SERPINF2: variants seen among roughly 807,000 people sequenced by gnomAD.
The protein encoded by SERPINF2 is serpin family F member 2.
SERPINF2 carries 15 observed loss-of-function variants against 45.0 expected under a neutral mutation model. That is an observed-to-expected ratio of 0.33 (90% CI 0.22 to 0.51). The LOEUF is 0.51. SERPINF2 is among the 20% of genes least tolerant of loss of function. The pLI is 0.97. For missense variants in SERPINF2, 518 were observed against 637.4 expected, an observed-to-expected ratio of 0.81 and a Z score of 2.02; for synonymous variants, 283 against 277.9, an observed-to-expected ratio of 1.02 and a Z score of -0.18.
rs112549101 is a variant in SERPINF2, at chr17:1,747,516, C to T, written c.715+4C>T. 80 of 1,613,382 alleles carry T rather than the reference C, an allele frequency of 5.0e-5. No individual in the cohort carries two copies. The highest frequency in any genetic ancestry group is 3.6e-4 in the African/African-American group (27 of 75,040). On this transcript the variant is annotated splice_donor_region_variant and intron_variant, in intron 7 of 9. Transcript: ENST00000453066. Reference sequence around the variant, plus strand: ...CTCAACGCCATCCACTTCCAGGGTGCGCTCCTCCTCCTCTCAGATCCCCCA... The same window carrying T: ...CTCAACGCCATCCACTTCCAGGGTGTGCTCCTCCTCCTCTCAGATCCCCCA...
rs149997779 is a variant in SERPINF2, at chr17:1,754,352, A to G, written c.1294A>G (p.Ser432Gly). ...CACAGGCCTTCCCCTCTTCGTGGGC[A>G]GCGTGAGGAACCCCAACCCCAGTGC... The part of the protein sequence containing the change: ...DTTGLPLFVG[S>G]VRNPNPSAPR... Residue 432 changes from serine (S) to glycine (G), a missense_variant, in exon 10 of 10, where the codon AGC becomes GGC. Around this residue, in one of 2 missense-constraint regions of SERPINF2, gnomAD observed 435 missense variants for 577.3 expected, o/e 0.75. Coordinates refer to ENST00000453066, the MANE Select transcript of SERPINF2 (RefSeq NM_000934.4). 4 of 1,614,114 alleles carry G rather than the reference A, an allele frequency of 2.5e-6. No homozygotes were observed. The highest frequency in any genetic ancestry group is 3.4e-6 in the Non-Finnish European group (4 of 1,180,016).
At position 1,752,735 on chromosome 17, in the gene SERPINF2, G is replaced by T; in HGVS notation, c.1008G>T (p.Leu336=). Residue 336 remains leucine, a synonymous_variant, in exon 9 of 10, where the codon CTG becomes CTT. Coordinates refer to ENST00000453066, the MANE Select transcript of SERPINF2 (RefSeq NM_000934.4). ...LVWERPTKVR[L]PKLYLKHQMD... is the part of the protein sequence containing the mutation. ...GGGAGAGGCCCACCAAGGTCCGGCT[G>T]CCTAAGCTGTATCTGAAACACCAAA... 6.2e-7 allele frequency: 1 copy of T among 1,614,066 alleles called. No homozygotes were observed. Among genetic ancestry groups the T allele is most frequent in the Non-Finnish European group, 8.5e-7 (1 of 1,180,020 alleles).
rs1470188696 is a variant in SERPINF2 at position 1,745,383 on chromosome 17, G to C, written c.153G>C (p.Lys51Asn). ...AGGTGTCCCCACTTACCCTCCTCAA[G>C]TTGGGCAACCAGGTACAACCAGGTG... ...QEQVSPLTLL[K>N]LGNQEPGGQT... The change falls in exon 4 of 10, where the codon AAG (lysine) becomes AAC (asparagine). Residue 51 changes from lysine to asparagine, a missense_variant. By Grantham distance (94) the Lys-to-Asn change is moderately conservative. Transcript: ENST00000453066. This position sits in a 1 kb window ranked among gnomAD's most constrained non-coding sequence, Gnocchi z 6.2. 1 of 1,611,676 alleles carries C rather than the reference G, an allele frequency of 6.2e-7. No individual in the cohort carries two copies. Among genetic ancestry groups the C allele is most frequent in the Admixed American group, 1.7e-5 (1 of 59,796 alleles).
Position 1,752,804 on chromosome 17 carries a change from T to C in SERPINF2, c.1063+14T>C. On this transcript the variant is annotated intron_variant, in intron 9 of 9. Coordinates refer to ENST00000453066, the MANE Select transcript of SERPINF2 (RefSeq NM_000934.4). ...TCAGCCAGCTGGGTAAGGAGGAGGGTGCGGGCGAGCCCCCGAGGTCAGGCT... is the reference window on the plus strand; with the variant it reads ...TCAGCCAGCTGGGTAAGGAGGAGGGCGCGGGCGAGCCCCCGAGGTCAGGCT... 1 of 1,591,414 alleles carries C rather than the reference T, an allele frequency of 6.3e-7. No homozygotes were observed. The highest frequency in any genetic ancestry group is 8.6e-7 in the Non-Finnish European group (1 of 1,169,414).
Position 1,745,883 on chromosome 17 carries a change from C to T in SERPINF2, c.341C>T (p.Ala114Val). The stretch of plus-strand genomic sequence containing the variant: ...CTCATCCTGTCACCCCTGAGTGTGG[C>T]CCTGGCGCTGTCTCACCTGGCACTA... ...PNLILSPLSV[A>V]LALSHLALGA... Residue 114 changes from alanine to valine, a missense_variant, in exon 5 of 10, where the codon GCC (alanine) becomes GTC (valine). Transcript: ENST00000453066. This position sits in a 1 kb window ranked among gnomAD's most constrained non-coding sequence, Gnocchi z 6.2. 2 of 1,614,060 alleles carry T rather than the reference C, an allele frequency of 1.2e-6. No homozygotes were observed. Among genetic ancestry groups the T allele is most frequent in the South Asian group, 1.1e-5 (1 of 91,082 alleles).
Position 1,744,105 on chromosome 17 carries a change from G to A in SERPINF2, c.-4-887G>A, listed in dbSNP as rs1028209487. Among the ~76,000 whole-genome samples, 6 of 151,522 alleles carry A rather than the reference G, an allele frequency of 4.0e-5. No individual in the cohort carries two copies. In the South Asian group the frequency reaches 6.2e-4, roughly 16 times the overall value. On this transcript the variant is annotated intron_variant, in intron 1 of 9. Coordinates refer to ENST00000453066, the MANE Select transcript of SERPINF2 (RefSeq NM_000934.4). The stretch of plus-strand genomic sequence containing the variant: ...AGATGGGGTTTTACCATGTTGGCCA[G>A]GCTGGTCTTGAACTCCCGACCTCAG...
At chr17:1,747,597 C>T (rs1905964769) in intron 7 of SERPINF2, 85 bp downstream of exon 7, 3 of 1,437,676 alleles carry the variant, frequency 2.1e-6, no homozygotes, top group African/African-American at 1.4e-5. Flanking sequence ...ACAAGTCTCG[C>T]TCTGTCACCC....
chr17:1,744,280 G>C (rs930866197), intron 1 of SERPINF2, among the ~76,000 whole-genome samples: 1 of 151,802 alleles, frequency 6.6e-6, no homozygotes, highest in Non-Finnish European at 1.5e-5. Flanking sequence ...ATCACCTGAG[G>C]TCGGGAGTTT....
At chr17:1,747,599 C>T (rs1328010366) in intron 7 of SERPINF2, 87 bp downstream of exon 7, 56 of 1,435,838 alleles carry the variant, frequency 3.9e-5, no homozygotes, top group Non-Finnish European at 3.5e-5. Flanking sequence ...AAGTCTCGCT[C>T]TGTCACCCAG....
chr17:1,745,453 G>C lies in SERPINF2; in HGVS notation c.165+58G>C. On this transcript the variant is annotated intron_variant, in intron 4 of 9. Coordinates refer to ENST00000453066, the MANE Select transcript of SERPINF2 (RefSeq NM_000934.4). The surrounding 1 kb of genome is among the most constrained non-coding windows in gnomAD (Gnocchi z 6.2). ...GGGGCTAGAGGGAGGAGGGCCCATC[G>C]GCAGGGGTCGGGGGGTGGGGGCGCG... 6.5e-7 allele frequency: 1 copy of C among 1,532,468 alleles called. No individual in the cohort carries two copies. Among genetic ancestry groups the C allele is most frequent in the Admixed American group, 1.7e-5 (1 of 57,694 alleles). The allele number at this position is 1,532,468 out of a possible 1,614,324, so 94.9% of individuals were successfully genotyped here. A position where few individuals can be genotyped will look rare whatever the true frequency, so the allele number is the denominator to read the frequency against.
rs189957303 is a variant in SERPINF2 at position 1,751,702 on chromosome 17, C to T, written c.859-884C>T. On this transcript the variant is annotated intron_variant, in intron 8 of 9. Transcript: ENST00000453066. ...CCACGAGGCGGAGGTTGCGGTGAGC[C>T]GAGATTGCGCCACTGCACTCCAGCC... Among the ~76,000 whole-genome samples the T allele has an allele frequency of 3.6e-4, 50 of 138,170 alleles. 6 individuals are homozygous for T. Among genetic ancestry groups the T allele is most frequent in the Admixed American group, 3.2e-3 (44 of 13,926 alleles). The allele number at this position is 138,170 out of a possible 152,430, so 90.6% of individuals were successfully genotyped here.
In SERPINF2 at chr17:1,745,574, C is replaced by G. The variant is rs769606712; in HGVS notation, c.166-134C>G. On this transcript the variant is annotated intron_variant, in intron 4 of 9. Transcript: ENST00000453066. The surrounding 1 kb of genome is among the most constrained non-coding windows in gnomAD (Gnocchi z 6.2). Reference sequence around the variant, plus strand: ...CAGGCCCCAGAATGCCAGTGCCCTCCGTCTGACGCTCCCTCTTCCCTGGGG... The same window carrying G: ...CAGGCCCCAGAATGCCAGTGCCCTCGGTCTGACGCTCCCTCTTCCCTGGGG... 3.4e-6 allele frequency: 4 copies of G among 1,171,892 alleles called. No individual in the cohort carries two copies. The African/African-American group carries it at 6.0e-5, about 18-fold the overall frequency. 72.6% of individuals were successfully genotyped at this position (1,171,892 alleles called of 1,614,324 possible).
intron 1 of SERPINF2, chr17:1,743,213 C>T (rs1305312936): frequency 1.7e-6 from 1 of 605,248 alleles, no homozygotes; most frequent in African/African-American, 2.0e-5. Flanking sequence ...GACTTATCCT[C>T]CTGAGACCAA....
chr17:1,745,439 G>C lies in SERPINF2; in HGVS notation c.165+44G>C. 1 of 1,554,802 alleles carries C rather than the reference G, an allele frequency of 6.4e-7. No homozygotes were observed. Among genetic ancestry groups the C allele is most frequent in the Non-Finnish European group, 8.8e-7 (1 of 1,130,566 alleles). On this transcript the variant is annotated intron_variant, in intron 4 of 9. Coordinates refer to ENST00000453066, the MANE Select transcript of SERPINF2 (RefSeq NM_000934.4). The surrounding 1 kb of genome is among the most constrained non-coding windows in gnomAD (Gnocchi z 6.2). ...GGGGAAGAGTGGGCGGGGCTAGAGGGAGGAGGGCCCATCGGCAGGGGTCGG... is the reference window on the plus strand; with the variant it reads ...GGGGAAGAGTGGGCGGGGCTAGAGGCAGGAGGGCCCATCGGCAGGGGTCGG...
In SERPINF2 at chr17:1,747,487, T is replaced by C. The variant is rs772083726; in HGVS notation, c.690T>C (p.Leu230=). Residue 230 remains leucine (L), a synonymous_variant, in exon 7 of 10, where the codon CTT becomes CTC. Coordinates refer to ENST00000453066, the MANE Select transcript of SERPINF2 (RefSeq NM_000934.4). ...GGCTGCCGGAAGACACCGTGTTGCT[T>C]CTCCTCAACGCCATCCACTTCCAGG... The part of the protein sequence containing the change: ...LSGLPEDTVL[L]LLNAIHFQGF... The C allele has an allele frequency of 6.2e-7, 1 of 1,614,042 alleles. No individual in the cohort carries two copies. Among genetic ancestry groups the C allele is most frequent in the Non-Finnish European group, 8.5e-7 (1 of 1,180,022 alleles).
Position 1,747,024 on chromosome 17 carries a change from C to G in SERPINF2, c.373C>G (p.Gln125Glu). The G allele has an allele frequency of 2.5e-6, 4 of 1,605,854 alleles. No individual in the cohort carries two copies. The highest frequency in any genetic ancestry group is 3.4e-6 in the Non-Finnish European group (4 of 1,179,820). The change falls in exon 6 of 10, where the codon CAG (glutamine) becomes GAG (glutamate). Residue 125 changes from glutamine (Q) to glutamate (E), a missense_variant. Gln to Glu is a conservative substitution (Grantham distance 29). Coordinates refer to ENST00000453066, the MANE Select transcript of SERPINF2 (RefSeq NM_000934.4). ...GCCTGTGCGGTGCCCTCCAGGTGCT[C>G]AGAACCACACGTTGCAGAGGCTGCA... Reference protein sequence around the residue: ...LALSHLALGAQNHTLQRLQQV... With the variant: ...LALSHLALGAENHTLQRLQQV...
chr17:1,750,437 G>A (rs113362291), intron 8 of SERPINF2, among the ~76,000 whole-genome samples: 14 of 151,798 alleles, frequency 9.2e-5, no homozygotes, highest in Admixed American at 3.3e-4. Flanking sequence ...GTGAGCCACC[G>A]TGCCCGGCCA....
chr17:1,752,869 G>A, intron 9 of SERPINF2, 79 bp downstream of exon 9: 1 of 1,301,430 alleles, frequency 7.7e-7, no homozygotes, highest in Non-Finnish European at 1.1e-6. Flanking sequence ...GCTGGCAGTG[G>A]AGCTGAGTCA....
chr17:1,744,489 G>A lies in SERPINF2; in HGVS notation c.-4-503G>A, dbSNP rs776077941. 2.6e-4 allele frequency: 245 copies of A among 956,936 alleles called. 1 individual carries two copies. Among genetic ancestry groups the A allele is most frequent in the African/African-American group, 3.0e-4 (17 of 56,726 alleles). The allele number at this position is 956,936 out of a possible 1,614,324, so 59.3% of individuals were successfully genotyped here. A position where few individuals can be genotyped will look rare whatever the true frequency, so the allele number is the denominator to read the frequency against. On this transcript the variant is annotated intron_variant, in intron 1 of 9. Coordinates refer to ENST00000453066, the MANE Select transcript of SERPINF2 (RefSeq NM_000934.4). ...GCCTGGTCAACGAGAGCGAAACTCC[G>A]TCTCAAAAAATAAACAACAAAAAAT...
Sources: allele counts gnomAD v4.1 joint callset (sites outside exome capture counted in the v4.1 genomes callset), GRCh38; gene constraint gnomAD v4.1.1; regional missense constraint gnomAD v4.1.1; non-coding constraint Gnocchi (gnomAD v3.1); transcripts MANE v1.5; gene names NCBI Gene and HGNC (gene_info 2026-07-23, HGNC 2026-07-21).